EDIL3: variants seen among roughly 807,000 people sequenced by gnomAD.
EDIL3 encodes the protein EGF-like repeat and discoidin I-like domain-containing protein 3.
A neutral mutation model predicts 67.4 loss-of-function variants in EDIL3; 37 were observed. The ratio of observed to expected loss-of-function variants is 0.55; its 90% confidence interval spans 0.42 to 0.72. EDIL3 has a LOEUF of 0.72. EDIL3 is among the 30% of genes least tolerant of loss of function. The probability of loss-of-function intolerance (pLI) is 0.00; values close to 1 mark genes in which losing one functional copy is unlikely to be tolerated. For missense variants in EDIL3, 527 were observed against 586.3 expected (o/e 0.90, Z 1.04); for synonymous variants, 195 against 196.3 (o/e 0.99, Z 0.05).
At chr5:84,006,343 T>TAAAACAAAAC (rs56161304) in intron 9 of EDIL3, among the ~76,000 whole-genome samples, 3,969 of 147,808 alleles carry the variant, frequency 0.027, 68 homozygotes, top group East Asian at 0.089. Flanking sequence ...TATGCAGCCA[T>TAAAACAAAAC]AAAACAAAAC....
rs1366203735 is a variant in EDIL3 at position 84,093,878 on chromosome 5, T to C, written c.651+12771A>G. ...TTTCACCATATTGGCCAGGCTGGACTTGAGCTCCCAACATCATGATCCACC... is the reference window on the plus strand; with the variant it reads ...TTTCACCATATTGGCCAGGCTGGACCTGAGCTCCCAACATCATGATCCACC... On this transcript the variant is annotated intron_variant, in intron 6 of 10. Coordinates refer to ENST00000296591, the MANE Select transcript of EDIL3 (RefSeq NM_005711.5). 2.0e-5 allele frequency among the ~76,000 whole-genome samples: 3 copies of C among 152,224 alleles called. 1 individual carries two copies. In the East Asian group the frequency reaches 5.8e-4, roughly 29 times the overall value.
At position 84,085,473 on chromosome 5, in the gene EDIL3, C is replaced by T. The variant is rs149840478; in HGVS notation, c.652-18867G>A. On this transcript the variant is annotated intron_variant, in intron 6 of 10. Coordinates refer to ENST00000296591, the MANE Select transcript of EDIL3 (RefSeq NM_005711.5). ...GCTGCAGTTTGCTGGAGGTCCACTC[C>T]CAGACCCTGTTCACCTGGGTATCAT... 8.2e-3 allele frequency among the ~76,000 whole-genome samples: 1,241 copies of T among 152,260 alleles called. 13 individuals are homozygous for T. The highest frequency in any genetic ancestry group is 0.014 in the Middle Eastern group (4 of 294).
At chr5:84,025,405 C>G (rs115764992) in intron 9 of EDIL3, among the ~76,000 whole-genome samples, 2,621 of 152,236 alleles carry the variant, frequency 0.017, 74 homozygotes, top group East Asian at 0.094. Flanking sequence ...TCACTATCTC[C>G]CATCACCCCC....
chr5:84,083,124 A>G (rs1747007364), intron 6 of EDIL3, among the ~76,000 whole-genome samples: 1 of 152,212 alleles, frequency 6.6e-6, no homozygotes, highest in Non-Finnish European at 1.5e-5. Context: ...TAAATATTTA[A>G]TTATTTTAAA....
Position 84,218,908 on chromosome 5 carries a change from C to T in EDIL3, c.226+10947G>A, listed in dbSNP as rs73140583. On this transcript the variant is annotated intron_variant, in intron 3 of 10. Coordinates refer to ENST00000296591, the MANE Select transcript of EDIL3 (RefSeq NM_005711.5). ...AGCTCAGCCACAGCAGAAGAGAGTA[C>T]CTCGGGACCAGGAGGGAATTTGCCA... Among the ~76,000 whole-genome samples, 1,109 of 152,288 alleles carry T rather than the reference C, an allele frequency of 7.3e-3. 13 individuals carry two copies. The highest frequency in any genetic ancestry group is 0.026 in the African/African-American group (1,067 of 41,562).
At chr5:84,149,635 C>A (rs140708325) in intron 4 of EDIL3, among the ~76,000 whole-genome samples, 33 of 151,996 alleles carry the variant, frequency 2.2e-4, no homozygotes, top group African/African-American at 8.0e-4. Flanking sequence ...GGAATCCAAT[C>A]AAGATTAACA....
At chr5:84,383,831 A>G (rs546596438) in intron 1 of EDIL3, among the ~76,000 whole-genome samples, 36 of 152,230 alleles carry the variant, frequency 2.4e-4, no homozygotes, top group African/African-American at 8.4e-4. Flanking sequence ...CCTGCGCCAG[A>G]GCACCGCACC....
chr5:84,377,463 C>T (rs776110599), intron 1 of EDIL3, among the ~76,000 whole-genome samples: 34 of 152,160 alleles, frequency 2.2e-4, no homozygotes, highest in Non-Finnish European at 1.0e-4. Context: ...TTGTTTTGGA[C>T]TTTCCTGATT....
intron 4 of EDIL3, among the ~76,000 whole-genome samples, chr5:84,173,654 A>T (rs778149758): frequency 1.6e-4 from 25 of 152,162 alleles, no homozygotes; most frequent in Non-Finnish European, 3.5e-4. Flanking sequence ...ACTTGAGATG[A>T]GTAAAATGGC....
intron 4 of EDIL3, among the ~76,000 whole-genome samples, chr5:84,169,167 C>G (rs552130685): frequency 6.6e-6 from 1 of 151,932 alleles, no homozygotes; most frequent in African/African-American, 2.4e-5. Flanking sequence ...TCCATTCTTA[C>G]AAAACATAAC....
intron 1 of EDIL3, among the ~76,000 whole-genome samples, chr5:84,338,576 C>CT (rs1747034707): frequency 6.6e-6 from 1 of 152,130 alleles, no homozygotes; most frequent in African/African-American, 2.4e-5. Flanking sequence ...TGCCTTGGGA[C>CT]TTTAACTAGG....
intron 4 of EDIL3, among the ~76,000 whole-genome samples, chr5:84,137,871 C>T (rs879284104): frequency 3.9e-5 from 6 of 152,166 alleles, no homozygotes; most frequent in Non-Finnish European, 8.8e-5. Context: ...AAGCTCGTTA[C>T]ATGCAAAGTA....
At chr5:83,977,950 C>A (rs374359951) in intron 9 of EDIL3, among the ~76,000 whole-genome samples, 4 of 151,816 alleles carry the variant, frequency 2.6e-5, no homozygotes, top group African/African-American at 9.7e-5. Context: ...GGAAGAATCT[C>A]CTTCAAATCA....
chr5:83,973,844 T>C (rs2112141087), intron 9 of EDIL3, among the ~76,000 whole-genome samples: 1 of 152,114 alleles, frequency 6.6e-6, no homozygotes, highest in African/African-American at 2.4e-5. Flanking sequence ...CCATTAAAAG[T>C]AATTGGAAAA....
intron 6 of EDIL3, among the ~76,000 whole-genome samples, chr5:84,074,622 C>T (rs200770821): frequency 2.0e-5 from 3 of 150,660 alleles, no homozygotes; most frequent in South Asian, 2.1e-4. Context: ...TGGCCATCAG[C>T]GAAATGCAAA....
intron 1 of EDIL3, among the ~76,000 whole-genome samples, chr5:84,338,291 C>A (rs145124880): frequency 6.6e-6 from 1 of 152,244 alleles, no homozygotes; most frequent in East Asian, 1.9e-4. Flanking sequence ...AGAATGCAAA[C>A]AGGTGTGATA....
chr5:84,263,436 G>A (rs1745276279), intron 1 of EDIL3, among the ~76,000 whole-genome samples: 1 of 152,160 alleles, frequency 6.6e-6, no homozygotes, highest in Non-Finnish European at 1.5e-5. Flanking sequence ...AGGGGTAGGT[G>A]TATTAGAAGT....
In EDIL3 at chr5:84,148,972, CAAAAAAA is replaced by C. The variant is rs60662947; in HGVS notation, c.356-11625_356-11619del. 9.2e-5 allele frequency among the ~76,000 whole-genome samples: 8 copies of C among 87,048 alleles called. No individual in the cohort carries two copies. In the South Asian group the frequency reaches 1.6e-3, roughly 17 times the overall value. 57.1% of individuals were successfully genotyped at this position (87,048 alleles called of 152,430 possible). A position where few individuals can be genotyped will look rare whatever the true frequency, so the allele number is the denominator to read the frequency against. Reference sequence around the variant, plus strand: ...TTGTTTTAAAAAACAACAAAAACGACAAAAAAAAAAAAAAAAAAACCTCAGACAAAAT... The same window carrying C: ...TTGTTTTAAAAAACAACAAAAACGACAAAAAAAAAAAACCTCAGACAAAAT... On this transcript the variant is annotated intron_variant, in intron 4 of 10. Coordinates refer to ENST00000296591, the MANE Select transcript of EDIL3 (RefSeq NM_005711.5).
intron 6 of EDIL3, among the ~76,000 whole-genome samples, chr5:84,103,983 G>T (rs571022313): frequency 2.0e-5 from 3 of 151,998 alleles, no homozygotes; most frequent in Admixed American, 2.0e-4. Context: ...CCAATCAATT[G>T]TAGACTGGGT....
Sources: allele counts gnomAD v4.1 joint callset (sites outside exome capture counted in the v4.1 genomes callset), GRCh38; gene constraint gnomAD v4.1.1; transcripts MANE v1.5; gene names NCBI Gene and HGNC (gene_info 2026-07-23, HGNC 2026-07-21).